ARHGAP22: variants seen among roughly 807,000 people sequenced by gnomAD.
The protein encoded by ARHGAP22 is Rho GTPase activating protein 22.
Under a neutral mutation model 59.1 loss-of-function variants are expected in ARHGAP22, and 48 were observed. That is an observed-to-expected ratio of 0.81 (90% CI 0.64 to 1.03). The LOEUF (loss-of-function observed/expected upper bound fraction) is 1.03. ARHGAP22 is among the 50% of genes least tolerant of loss of function. ARHGAP22 has a pLI of 0.00. For missense variants in ARHGAP22, 1,015 were observed against 958.7 expected (o/e 1.06, Z -0.78); for synonymous variants, 445 against 416.4 (o/e 1.07, Z -0.84).
chr10:48,586,095 C>T (rs1001380642), intron 1 of ARHGAP22, among the ~76,000 whole-genome samples: 7 of 152,140 alleles, frequency 4.6e-5, no homozygotes, highest in Non-Finnish European at 8.8e-5. Flanking sequence ...AGTGTGCTTC[C>T]CTCCTTTATA....
At chr10:48,628,260 G>A (rs1351308556) in intron 1 of ARHGAP22, among the ~76,000 whole-genome samples, 1 of 152,226 alleles carries the variant, frequency 6.6e-6, no homozygotes, top group African/African-American at 2.4e-5. Context: ...AGATGTTACA[G>A]TCCTTGTTTT....
chr10:48,516,500 C>T (rs909852223), intron 3 of ARHGAP22, among the ~76,000 whole-genome samples: 1 of 151,662 alleles, frequency 6.6e-6, no homozygotes, highest in Non-Finnish European at 1.5e-5. Flanking sequence ...TGGACTCCAG[C>T]CTGGATGACA....
intron 1 of ARHGAP22, among the ~76,000 whole-genome samples, chr10:48,595,745 C>T (rs898345988): frequency 2.0e-5 from 3 of 152,098 alleles, no homozygotes; most frequent in Admixed American, 1.3e-4. Flanking sequence ...GTCTCAACCT[C>T]CTGGCCTCAA....
Position 48,583,059 on chromosome 10 carries a change from C to A in ARHGAP22, c.128G>T (p.Trp43Leu). The A allele has an allele frequency of 6.2e-7, 1 of 1,614,282 alleles. No homozygotes were observed. The highest frequency in any genetic ancestry group is 2.2e-5 in the East Asian group (1 of 44,892). The change falls in exon 2 of 10, where the codon TGG becomes TTG. Residue 43 changes from tryptophan to leucine, a missense_variant. Transcript: ENST00000249601. The stretch of plus-strand genomic sequence containing the variant: ...CATGATGCTCCTCTGCTTCTTCAGC[C>A]AGCCCGCCTTCAGCACGGGGCCCAG... ...HRLGPVLKAG[W>L]LKKQRSIMKN...
chr10:48,469,180 AC>A (rs1283057744), intron 4 of ARHGAP22, among the ~76,000 whole-genome samples: 3 of 152,094 alleles, frequency 2.0e-5, no homozygotes, highest in African/African-American at 7.2e-5. Context: ...CTCCACCCCT[AC>A]CCAGGAGCCC....
chr10:48,558,268 G>T (rs1564879871), intron 2 of ARHGAP22, among the ~76,000 whole-genome samples: 1 of 152,044 alleles, frequency 6.6e-6, no homozygotes, highest in Non-Finnish European at 1.5e-5. Flanking sequence ...GTTAGGAAAT[G>T]ATATATTTTG....
chr10:48,604,680 G>A (rs921250423), intron 1 of ARHGAP22, 83 bp downstream of exon 1: 1 of 1,606,774 alleles, frequency 6.2e-7, no homozygotes, highest in South Asian at 1.1e-5. Flanking sequence ...GTGACACATG[G>A]CGTGACGGCT....
chr10:48,457,282 C>T (rs1241490314), intron 5 of ARHGAP22, among the ~76,000 whole-genome samples: 1 of 152,174 alleles, frequency 6.6e-6, no homozygotes, highest in Admixed American at 6.5e-5. Flanking sequence ...TCCCCACTTC[C>T]TCGACCTGCC....
At chr10:48,555,144 T>C (rs2057207498) in intron 3 of ARHGAP22, among the ~76,000 whole-genome samples, 1 of 152,254 alleles carries the variant, frequency 6.6e-6, no homozygotes, top group Admixed American at 6.5e-5. Context: ...TGTTTTTCCC[T>C]GGCTTTATTT....
chr10:48,513,563 C>T (rs1004162277), intron 3 of ARHGAP22, among the ~76,000 whole-genome samples: 3 of 152,180 alleles, frequency 2.0e-5, no homozygotes, highest in Admixed American at 6.5e-5. Flanking sequence ...CATTGGCTGA[C>T]CAATAAACTA....
intron 1 of ARHGAP22, among the ~76,000 whole-genome samples, chr10:48,616,248 C>G (rs1461226100): frequency 6.6e-6 from 1 of 152,082 alleles, no homozygotes; most frequent in Non-Finnish European, 1.5e-5. Context: ...TAACGGACTA[C>G]AATATAGTGA....
At position 48,459,891 on chromosome 10, in the gene ARHGAP22, C is replaced by T; in HGVS notation, c.452G>A (p.Gly151Glu). The T allele has an allele frequency of 6.2e-7, 1 of 1,611,606 alleles. No homozygotes were observed. The highest frequency in any genetic ancestry group is 8.5e-7 in the Non-Finnish European group (1 of 1,179,646). Residue 151 changes from glycine to glutamate, a missense_variant and splice_region_variant, in exon 5 of 10, where the codon GGG (glycine) becomes GAG (glutamate). By Grantham distance (98) the Gly-to-Glu change is moderately conservative. Coordinates refer to ENST00000249601, the MANE Select transcript of ARHGAP22 (RefSeq NM_021226.4). Reference sequence around the variant, plus strand: ...TTCCTCTAGGCGCTGCCCAAAGATCCCTGAGCACAGAGAGGAGCTAGTCAC... The same window carrying T: ...TTCCTCTAGGCGCTGCCCAAAGATCTCTGAGCACAGAGAGGAGCTAGTCAC... ...RRVIWAPLGG[G>E]IFGQRLEETV...
chr10:48,488,105 C>T (rs973743404), intron 3 of ARHGAP22, among the ~76,000 whole-genome samples: 1 of 152,170 alleles, frequency 6.6e-6, no homozygotes, highest in South Asian at 2.1e-4. Context: ...AAAACTAATA[C>T]AGCTAGCTGC....
chr10:48,559,394 A>G (rs1346695347), intron 2 of ARHGAP22, among the ~76,000 whole-genome samples: 1 of 152,238 alleles, frequency 6.6e-6, no homozygotes, highest in Non-Finnish European at 1.5e-5. Flanking sequence ...GAGAGGCTGC[A>G]GCTGACTTAA....
intron 3 of ARHGAP22, among the ~76,000 whole-genome samples, chr10:48,515,528 A>G (rs1324787881): frequency 6.6e-6 from 1 of 152,210 alleles, no homozygotes; most frequent in Admixed American, 6.5e-5. Flanking sequence ...CAGAACATCA[A>G]CAAGGAAACA....
chr10:48,567,266 G>A (rs2058103762), intron 2 of ARHGAP22, among the ~76,000 whole-genome samples: 1 of 152,224 alleles, frequency 6.6e-6, no homozygotes, highest in South Asian at 2.1e-4. Context: ...CTCACCCAGT[G>A]GCCTTAGGCT....
upstream of ARHGAP22, among the ~76,000 whole-genome samples, chr10:48,609,610 C>CT (rs772515137): frequency 7.9e-5 from 12 of 152,308 alleles, no homozygotes; most frequent in Non-Finnish European, 1.2e-4. Flanking sequence ...CTATAGCCGA[C>CT]ATTCTCACTG....
At chr10:48,538,676 A>G (rs529777043) in intron 3 of ARHGAP22, among the ~76,000 whole-genome samples, 3 of 152,344 alleles carry the variant, frequency 2.0e-5, no homozygotes, top group Admixed American at 6.5e-5. Flanking sequence ...GGAATGCACT[A>G]CAGTAGGCGT....
intron 1 of ARHGAP22, among the ~76,000 whole-genome samples, chr10:48,619,425 C>T (rs1247011541): frequency 1.3e-5 from 2 of 152,116 alleles, no homozygotes; most frequent in Non-Finnish European, 2.9e-5. Context: ...AGGCATCACA[C>T]TACTGAACTT....
Sources: allele counts gnomAD v4.1 joint callset (sites outside exome capture counted in the v4.1 genomes callset), GRCh38; gene constraint gnomAD v4.1.1; transcripts MANE v1.5; gene names NCBI Gene and HGNC (gene_info 2026-07-23, HGNC 2026-07-21).